The following TBCA variants were observed in gnomAD, a reference collection of about 807,000 sequenced individuals.
The protein encoded by TBCA is tubulin-specific chaperone A.
Under a neutral mutation model 15.8 loss-of-function variants are expected in TBCA, and 6 were observed. The observed-to-expected ratio is 0.38, with a 90% CI of 0.21 to 0.75. The LOEUF is 0.75. Among genes scored for constraint, TBCA ranks in the 30% least tolerant of loss-of-function variants. The pLI, the probability that TBCA is intolerant of heterozygous loss-of-function variation, is 0.46. For synonymous variants in TBCA, 32 were observed against 42.3 expected (o/e 0.76, Z 0.94); for missense variants, 90 against 131.2 (o/e 0.69, Z 1.53).
intron 1 of TBCA, among the ~76,000 whole-genome samples, chr5:77,746,197 G>A (rs1407755726): frequency 6.6e-6 from 1 of 152,096 alleles, no homozygotes; most frequent in African/African-American, 2.4e-5. Flanking sequence ...GGGAGGCCAA[G>A]GAAGAAGCAT....
intron 1 of TBCA, among the ~76,000 whole-genome samples, chr5:77,750,919 T>A (rs1456330830): frequency 6.6e-6 from 1 of 152,166 alleles, no homozygotes; most frequent in African/African-American, 2.4e-5. Context: ...TTTAAACATA[T>A]TCTGATTAGC....
intron 1 of TBCA, among the ~76,000 whole-genome samples, chr5:77,712,037 AAAGG>A (rs1746289456): frequency 6.6e-6 from 1 of 152,174 alleles, no homozygotes; most frequent in Non-Finnish European, 1.5e-5. Context: ...TATAGTGAAT[AAAGG>A]CTAGGGTAAG....
intron 1 of TBCA, among the ~76,000 whole-genome samples, chr5:77,714,578 T>A (rs532937437): frequency 3.6e-4 from 53 of 148,566 alleles, no homozygotes; most frequent in East Asian, 1.4e-3. Flanking sequence ...TATTATTATT[T>A]TTTTTTGAGA....
At chr5:77,709,802 TCCAG>T (rs1289955237) in intron 1 of TBCA, among the ~76,000 whole-genome samples, 4 of 152,034 alleles carry the variant, frequency 2.6e-5, no homozygotes, top group African/African-American at 9.7e-5. Flanking sequence ...ATGTGGTATA[TCCAG>T]AAAACAGAAT....
chr5:77,762,916 T>C (rs1747675905), intron 1 of TBCA, among the ~76,000 whole-genome samples: 1 of 152,178 alleles, frequency 6.6e-6, no homozygotes, highest in Non-Finnish European at 1.5e-5. Context: ...ACCCTCTTTT[T>C]TTCTTTTGCT....
intron 1 of TBCA, among the ~76,000 whole-genome samples, chr5:77,741,866 A>G (rs1300987974): frequency 1.3e-5 from 2 of 152,142 alleles, no homozygotes; most frequent in African/African-American, 4.8e-5. Flanking sequence ...ACTCTCTCTA[A>G]TATTTGAGAA....
chr5:77,718,331 T>C (rs1407085797), intron 1 of TBCA, among the ~76,000 whole-genome samples: 4 of 152,196 alleles, frequency 2.6e-5, no homozygotes, highest in Non-Finnish European at 5.9e-5. Context: ...GGGAATTAAG[T>C]AGCTAGATAC....
intron 1 of TBCA, among the ~76,000 whole-genome samples, chr5:77,744,223 CTAGAA>C (rs1441260712): frequency 3.9e-5 from 6 of 152,070 alleles, no homozygotes; most frequent in Non-Finnish European, 8.8e-5. Flanking sequence ...TTCCCTAATC[CTAGAA>C]TAGTAGTTCT....
At chr5:77,701,608 C>G (rs1051608381) in intron 2 of TBCA, among the ~76,000 whole-genome samples, 4 of 148,644 alleles carry the variant, frequency 2.7e-5, no homozygotes, top group African/African-American at 9.9e-5. Flanking sequence ...TTTATAGCAG[C>G]ACAATTCACA....
intron 1 of TBCA, among the ~76,000 whole-genome samples, chr5:77,760,123 G>A (rs1747575983): frequency 6.6e-6 from 1 of 152,158 alleles, no homozygotes; most frequent in African/African-American, 2.4e-5. Flanking sequence ...GAGGGTTGAA[G>A]AAAAGACAGC....
chr5:77,698,282 A>G (rs1343300314), intron 2 of TBCA, among the ~76,000 whole-genome samples: 2 of 152,118 alleles, frequency 1.3e-5, no homozygotes, highest in Admixed American at 6.6e-5. Flanking sequence ...GGATCCTGCA[A>G]TTATTAAAAG....
At chr5:77,708,493 T>G in intron 1 of TBCA, 146 bp from the exon 2 acceptor site, 1 of 540,482 alleles carries the variant, frequency 1.9e-6, no homozygotes, top group Non-Finnish European at 3.3e-6. Context: ...GAAAAATAGT[T>G]TAGTCATAAA....
intron 3 of TBCA, chr5:77,691,964 TAAAC>T: frequency 2.0e-6 from 2 of 986,432 alleles, no homozygotes; most frequent in Non-Finnish European, 2.4e-6. Flanking sequence ...ATCTTTGAAT[TAAAC>T]AAATGAATTG....
chr5:77,750,633 T>G (rs1462553246), intron 1 of TBCA, among the ~76,000 whole-genome samples: 1 of 151,986 alleles, frequency 6.6e-6, no homozygotes, highest in African/African-American at 2.4e-5. Flanking sequence ...AAGAAAAAAA[T>G]AGTAAGAGGC....
In TBCA at chr5:77,708,233, T is replaced by C. The variant is rs756013395; in HGVS notation, c.159+9A>G. The C allele has an allele frequency of 1.3e-6, 2 of 1,527,212 alleles. No homozygotes were observed. Among genetic ancestry groups the C allele is most frequent in the African/African-American group, 1.4e-5 (1 of 72,232 alleles). 94.6% of individuals were successfully genotyped at this position (1,527,212 alleles called of 1,614,324 possible). On this transcript the variant is annotated intron_variant, in intron 2 of 3. Transcript: ENST00000380377. ...ATGTTAGCTATTGTTATTTATGATA[T>C]AATTTTACCTGCTTTTTAATGTCAT...
At chr5:77,749,432 T>G (rs1747263654) in intron 1 of TBCA, among the ~76,000 whole-genome samples, 1 of 152,260 alleles carries the variant, frequency 6.6e-6, no homozygotes, top group Non-Finnish European at 1.5e-5. Flanking sequence ...ATAACAGATG[T>G]GTGCATATTT....
At chr5:77,735,058 A>G (rs1223572543) in intron 1 of TBCA, among the ~76,000 whole-genome samples, 1 of 152,230 alleles carries the variant, frequency 6.6e-6, no homozygotes. Flanking sequence ...GAGCAAACAT[A>G]ACTTTTATAT....
chr5:77,698,498 G>A (rs1051946750), intron 2 of TBCA, among the ~76,000 whole-genome samples: 1 of 152,238 alleles, frequency 6.6e-6, no homozygotes, highest in East Asian at 1.9e-4. Flanking sequence ...CCAATGTTCT[G>A]CTGAATGAAG....
intron 1 of TBCA, among the ~76,000 whole-genome samples, chr5:77,725,822 T>C (rs548338710): frequency 2.6e-5 from 4 of 152,360 alleles, no homozygotes; most frequent in African/African-American, 9.6e-5. Flanking sequence ...TGAGTTATAT[T>C]GCAGATACAG....
Sources: allele counts gnomAD v4.1 joint callset (sites outside exome capture counted in the v4.1 genomes callset), GRCh38; gene constraint gnomAD v4.1.1; transcripts MANE v1.5; gene names NCBI Gene and HGNC (gene_info 2026-07-23, HGNC 2026-07-21).